Variants in BTBD16 observed in about 807,000 individuals in gnomAD.
The protein encoded by BTBD16 is BTB domain containing 16, also known as BTB/POZ domain-containing protein 16.
BTBD16 carries 66 observed loss-of-function variants against 67.4 expected under a neutral mutation model. That is an observed-to-expected ratio of 0.98 (90% CI 0.80 to 1.20). BTBD16 has a LOEUF of 1.20. BTBD16 is among the 50% of genes most tolerant of loss of function. The probability of loss-of-function intolerance (pLI) is 0.00; values close to 1 mark genes in which losing one functional copy is unlikely to be tolerated. For synonymous variants in BTBD16, 242 were observed against 236.4 expected, an observed-to-expected ratio of 1.02 and a Z score of -0.22; for missense variants, 634 against 616.0, an observed-to-expected ratio of 1.03 and a Z score of -0.31.
Position 122,276,836 on chromosome 10 carries a change from T to G in BTBD16, c.64T>G (p.Trp22Gly). Residue 22 changes from tryptophan (W) to glycine (G), a missense_variant, in exon 3 of 16, where the codon TGG (tryptophan) becomes GGG (glycine). Trp to Gly is a radical substitution (Grantham distance 184). Coordinates refer to ENST00000260723, the MANE Select transcript of BTBD16 (RefSeq NM_144587.5). ...ERRVTGSTNRWRLPKQPFSGD... is the reference protein window; with the variant it reads ...ERRVTGSTNRGRLPKQPFSGD... ...CCGGGTCACTGGCTCAACCAACCGG[T>G]GGCGTTTGCCCAAACAGCCTTTCTC... 6.2e-7 allele frequency: 1 copy of G among 1,614,202 alleles called. No homozygotes were observed. The highest frequency in any genetic ancestry group is 8.5e-7 in the Non-Finnish European group (1 of 1,180,018).
intron 3 of BTBD16, 100 bp downstream of exon 3, chr10:122,277,039 A>C: frequency 7.2e-7 from 1 of 1,392,432 alleles, no homozygotes. Flanking sequence ...AGTGGCTGTC[A>C]AGGGCACATC....
intron 11 of BTBD16, among the ~76,000 whole-genome samples, chr10:122,330,952 T>G (rs531627548): frequency 1.3e-5 from 2 of 152,314 alleles, no homozygotes; most frequent in African/African-American, 4.8e-5. Context: ...TGTACGTTTT[T>G]AAAAGAGAAT....
intron 1 of BTBD16, among the ~76,000 whole-genome samples, chr10:122,273,219 AAG>A (rs1466038751): frequency 3.0e-5 from 2 of 66,758 alleles, no homozygotes; most frequent in Non-Finnish European, 2.6e-5. Flanking sequence ...CAGCAACACA[AAG>A]ATATATATAT....
rs564134716 is a variant in BTBD16, at chr10:122,315,958, C to A, written c.911+8650C>A. ...AATATCCATCTCACACAAAGGTTTC[C>A]TTATGACACTAAATAGTCCACTCAT... On this transcript the variant is annotated intron_variant, in intron 10 of 15. Transcript: ENST00000260723. Among the ~76,000 whole-genome samples, 35 of 152,168 alleles carry A rather than the reference C, an allele frequency of 2.3e-4. No homozygotes were observed. In the South Asian group the frequency reaches 6.9e-3, roughly 30 times the overall value.
chr10:122,274,541 C>T (rs1240407041), intron 1 of BTBD16, among the ~76,000 whole-genome samples: 1 of 152,184 alleles, frequency 6.6e-6, no homozygotes, highest in Admixed American at 6.5e-5. Flanking sequence ...GCTTGTAACC[C>T]AACAGCCCTG....
At chr10:122,332,592 A>T (rs560981063) in intron 13 of BTBD16, 79 bp downstream of exon 13, 30 of 1,447,668 alleles carry the variant, frequency 2.1e-5, no homozygotes, top group Admixed American at 2.0e-4. Flanking sequence ...GGCAGCCATG[A>T]TCACTTCTGG....
chr10:122,316,238 G>A (rs1028251446), intron 10 of BTBD16, among the ~76,000 whole-genome samples: 2 of 152,154 alleles, frequency 1.3e-5, no homozygotes, highest in African/African-American at 4.8e-5. Context: ...TTGCATTCCA[G>A]CCTGGGTGAC....
At chr10:122,292,802 T>A in intron 7 of BTBD16, among the ~76,000 whole-genome samples, 1 of 152,204 alleles carries the variant, frequency 6.6e-6, no homozygotes, top group Non-Finnish European at 1.5e-5. Flanking sequence ...TGGAATGAAG[T>A]TTGGGAATTC....
At position 122,272,586 on chromosome 10, in the gene BTBD16, C is replaced by T. The variant is rs145364699; in HGVS notation, c.-43+1072C>T. 6.5e-3 allele frequency among the ~76,000 whole-genome samples: 987 copies of T among 152,262 alleles called. 10 individuals are homozygous for T. Among genetic ancestry groups the T allele is most frequent in the African/African-American group, 0.022 (907 of 41,530 alleles). ...GAACTCCTGACCTCAGGTGATCCAC[C>T]TGCCTTGGCCTCCCAAAGTGCTGGG... On this transcript the variant is annotated intron_variant, in intron 1 of 15. Coordinates refer to ENST00000260723, the MANE Select transcript of BTBD16 (RefSeq NM_144587.5).
At chr10:122,279,576 G>T (rs1192133207) in intron 3 of BTBD16, among the ~76,000 whole-genome samples, 2 of 145,364 alleles carry the variant, frequency 1.4e-5, no homozygotes, top group Admixed American at 1.4e-4. Flanking sequence ...ATAGGAATTT[G>T]TTCCATGTGA....
At chr10:122,321,656 C>T (rs369442035) in intron 10 of BTBD16, among the ~76,000 whole-genome samples, 1 of 152,188 alleles carries the variant, frequency 6.6e-6, no homozygotes, top group East Asian at 1.9e-4. Flanking sequence ...TGTATATCTT[C>T]TGTTGAAAAG....
chr10:122,323,645 T>A (rs1345141849), intron 10 of BTBD16, among the ~76,000 whole-genome samples: 2 of 152,160 alleles, frequency 1.3e-5, no homozygotes, highest in Non-Finnish European at 2.9e-5. Flanking sequence ...TGAGTGGCAG[T>A]TTGGGAGCTA....
chr10:122,315,541 G>C (rs2096422399), intron 10 of BTBD16, among the ~76,000 whole-genome samples: 1 of 152,154 alleles, frequency 6.6e-6, no homozygotes, highest in Non-Finnish European at 1.5e-5. Context: ...TTTCAAAGCA[G>C]TCCCTCTTTT....
At chr10:122,302,028 T>G (rs1382806575) in intron 9 of BTBD16, among the ~76,000 whole-genome samples, 1 of 152,148 alleles carries the variant, frequency 6.6e-6, no homozygotes, top group Non-Finnish European at 1.5e-5. Flanking sequence ...GACTCCAAGG[T>G]CAGGGGTGGA....
rs776864281 is a variant in BTBD16, at chr10:122,332,514, G to T, written c.1164+1G>T. 2.5e-6 allele frequency: 4 copies of T among 1,612,468 alleles called. No homozygotes were observed. In the South Asian group the frequency reaches 4.4e-5, roughly 18 times the overall value. ...GAGATTTGGGCTGCTCTTTAACCAG[G>T]TACTGAGAACTGTACCCGAACAAGG... On this transcript the variant is annotated splice_donor_variant, in intron 13 of 15. Transcript: ENST00000260723. LOFTEE classifies it high-confidence loss of function.
intron 7 of BTBD16, 38 bp from the exon 8 acceptor site, chr10:122,297,730 G>C: frequency 6.2e-7 from 1 of 1,610,704 alleles, no homozygotes; most frequent in Non-Finnish European, 8.5e-7. Flanking sequence ...CAAAAGCAGT[G>C]TGGGGTTCCT....
intron 10 of BTBD16, 136 bp downstream of exon 10, chr10:122,307,444 G>A: frequency 1.2e-6 from 1 of 869,034 alleles, no homozygotes; most frequent in Non-Finnish European, 1.7e-6. Flanking sequence ...TTTTTTAATA[G>A]GGCCTAAGAT....
At chr10:122,329,186 A>G (rs575381195) in intron 10 of BTBD16, among the ~76,000 whole-genome samples, 1 of 152,306 alleles carries the variant, frequency 6.6e-6, no homozygotes, top group Admixed American at 6.5e-5. Flanking sequence ...ATGTGTTCCC[A>G]TCAGTCACTT....
intron 10 of BTBD16, among the ~76,000 whole-genome samples, chr10:122,310,717 A>T (rs1427177539): frequency 6.6e-6 from 1 of 152,216 alleles, no homozygotes; most frequent in Non-Finnish European, 1.5e-5. Flanking sequence ...AATATTGATA[A>T]AATAACTTCA....
Sources: gnomAD v4.1 joint callset for allele counts (sites outside exome capture counted in the v4.1 genomes callset) on GRCh38, gnomAD v4.1.1 for gene constraint, MANE v1.5 for transcripts, NCBI Gene and HGNC (gene_info 2026-07-23, HGNC 2026-07-21) for gene names.